SRPK2: variants seen among roughly 807,000 people sequenced by gnomAD.
SRPK2 encodes the protein SRSF protein kinase 2.
In SRPK2, 21 loss-of-function variants were observed where a neutral mutation model predicts 90.8. That is an observed-to-expected ratio of 0.23 (90% CI 0.16 to 0.33). SRPK2 has a LOEUF of 0.33. Ranked by LOEUF, SRPK2 falls within the 10% of genes least tolerant of loss-of-function variation. SRPK2 has a pLI of 1.00. For synonymous variants in SRPK2, 288 were observed against 311.1 expected, an observed-to-expected ratio of 0.93 and a Z score of 0.78; for missense variants, 620 against 869.0, an observed-to-expected ratio of 0.71 and a Z score of 3.60.
In SRPK2 at chr7:105,177,289, A is replaced by C. The variant is rs112533842; in HGVS notation, c.230-8024T>G. Among the ~76,000 whole-genome samples, 442 of 152,252 alleles carry C rather than the reference A, an allele frequency of 2.9e-3. 1 individual carries two copies. The highest frequency in any genetic ancestry group is 0.01 in the African/African-American group (427 of 41,558). On this transcript the variant is annotated intron_variant, in intron 3 of 15. Transcript: ENST00000393651. ...TATGCACTAACCACCACTTTTCTTCACTGAAAAAAAAATTATTTAGAACAT... is the reference window on the plus strand; with the variant it reads ...TATGCACTAACCACCACTTTTCTTCCCTGAAAAAAAAATTATTTAGAACAT...
chr7:105,287,111 A>C (rs1180729574), intron 2 of SRPK2, among the ~76,000 whole-genome samples: 3 of 151,148 alleles, frequency 2.0e-5, no homozygotes, highest in East Asian at 3.9e-4. Context: ...AATACAAAAA[A>C]TTAGCCGGGC....
intron 2 of SRPK2, among the ~76,000 whole-genome samples, chr7:105,222,706 T>A (rs1444840254): frequency 6.6e-6 from 1 of 152,186 alleles, no homozygotes; most frequent in Admixed American, 6.6e-5. Context: ...ATAATAACAT[T>A]AGTTTTAAAA....
At chr7:105,220,875 A>G (rs919814020) in intron 2 of SRPK2, among the ~76,000 whole-genome samples, 2 of 152,204 alleles carry the variant, frequency 1.3e-5, no homozygotes, top group East Asian at 1.9e-4. Context: ...TCCCTTTACA[A>G]TAGTCTAATC....
At chr7:105,231,537 G>T (rs958800749) in intron 2 of SRPK2, among the ~76,000 whole-genome samples, 4 of 152,150 alleles carry the variant, frequency 2.6e-5, no homozygotes, top group Non-Finnish European at 5.9e-5. Flanking sequence ...CACCAACAGT[G>T]TATAAATGTT....
chr7:105,182,896 T>C (rs1278173209), intron 3 of SRPK2, among the ~76,000 whole-genome samples: 1 of 152,160 alleles, frequency 6.6e-6, no homozygotes, highest in Non-Finnish European at 1.5e-5. Flanking sequence ...TAGTATCATA[T>C]AAAACACTAC....
chr7:105,374,726 T>C (rs2132511318), intron 2 of SRPK2, among the ~76,000 whole-genome samples: 1 of 152,230 alleles, frequency 6.6e-6, no homozygotes, highest in African/African-American at 2.4e-5. Context: ...CTGCCTCGCC[T>C]ACGGAGGAGC....
intron 2 of SRPK2, chr7:105,268,960 G>C: frequency 2.1e-6 from 3 of 1,447,272 alleles, no homozygotes; most frequent in Non-Finnish European, 2.8e-6. Flanking sequence ...AATCCCTTTT[G>C]TTCAGAATGA....
intron 2 of SRPK2, among the ~76,000 whole-genome samples, chr7:105,220,818 A>T (rs960607305): frequency 6.6e-6 from 1 of 151,958 alleles, no homozygotes; most frequent in Non-Finnish European, 1.5e-5. Context: ...GATGTGTCTC[A>T]TTTGTTTCAG....
intron 7 of SRPK2, among the ~76,000 whole-genome samples, chr7:105,150,025 G>A (rs1805385980): frequency 6.6e-6 from 1 of 151,948 alleles, no homozygotes. Context: ...GACAGGAAAT[G>A]AGTATGACGG....
chr7:105,211,653 AC>A (rs36081667), intron 2 of SRPK2, among the ~76,000 whole-genome samples: 1 of 152,108 alleles, frequency 6.6e-6, no homozygotes, highest in South Asian at 2.1e-4. Flanking sequence ...GTGGAAATCT[AC>A]CCCCATGATC....
chr7:105,312,214 G>C (rs575217111), intron 2 of SRPK2, among the ~76,000 whole-genome samples: 1 of 152,264 alleles, frequency 6.6e-6, no homozygotes, highest in South Asian at 2.1e-4. Flanking sequence ...GGCCAAGGTG[G>C]GGGGATCACA....
intron 3 of SRPK2, among the ~76,000 whole-genome samples, chr7:105,178,798 G>A (rs1304101110): frequency 1.3e-5 from 2 of 151,946 alleles, no homozygotes; most frequent in African/African-American, 4.8e-5. Context: ...GACAAAGTAA[G>A]GCCCTCTCTC....
At position 105,160,328 on chromosome 7, in the gene SRPK2, A is replaced by G. The variant is rs1807413167; in HGVS notation, c.621+179T>C. The G allele has an allele frequency of 1.2e-5, 5 of 405,054 alleles. No homozygotes were observed. The East Asian group carries it at 1.8e-4, about 15-fold the overall frequency. 25.1% of individuals were successfully genotyped at this position (405,054 alleles called of 1,614,324 possible). On this transcript the variant is annotated intron_variant, in intron 7 of 15. Coordinates refer to ENST00000393651, the MANE Select transcript of SRPK2 (RefSeq NM_182692.3). ...TCCCTTCACAACACAAAATATCATT[A>G]AATACTGACTTAATAAGAGTTCAAA...
intron 2 of SRPK2, among the ~76,000 whole-genome samples, chr7:105,295,718 C>G (rs1437893103): frequency 1.3e-5 from 2 of 152,138 alleles, no homozygotes; most frequent in African/African-American, 4.8e-5. Flanking sequence ...TATGAATGTA[C>G]TTAATGCAAC....
At chr7:105,287,575 A>C (rs1001073977) in intron 2 of SRPK2, among the ~76,000 whole-genome samples, 2 of 151,946 alleles carry the variant, frequency 1.3e-5, no homozygotes, top group Non-Finnish European at 2.9e-5. Context: ...GTCTCTGTTA[A>C]AAATATAAAA....
intron 15 of SRPK2, among the ~76,000 whole-genome samples, chr7:105,119,570 A>T (rs1016178771): frequency 1.8e-4 from 27 of 152,194 alleles, no homozygotes; most frequent in African/African-American, 6.3e-4. Flanking sequence ...TTCCAATATG[A>T]GGACTGGAGC....
At position 105,142,318 on chromosome 7, in the gene SRPK2, A is replaced by G; in HGVS notation, c.1233T>C (p.Asp411=). 6.2e-7 allele frequency: 1 copy of G among 1,614,086 alleles called. No homozygotes were observed. Among genetic ancestry groups the G allele is most frequent in the African/African-American group, 1.3e-5 (1 of 75,018 alleles). ...GGCAGTCTTCTTCATCATCATCTTCATCGTCCAGTTGCTGCTCCAGTGAGA... is the reference window on the plus strand; with the variant it reads ...GGCAGTCTTCTTCATCATCATCTTCGTCGTCCAGTTGCTGCTCCAGTGAGA... ...GPFSLEQQLD[D]EDDDEEDCPN... is the part of the protein sequence containing the mutation. The change falls in exon 11 of 16, where the codon GAT becomes GAC. Residue 411 remains aspartate (D), a synonymous_variant. Transcript: ENST00000393651.
chr7:105,273,004 A>G (rs892190455), intron 2 of SRPK2, among the ~76,000 whole-genome samples: 7 of 152,040 alleles, frequency 4.6e-5, no homozygotes, highest in African/African-American at 1.7e-4. Context: ...CACGAAGGTC[A>G]GGAGATAGAG....
rs557871443 is a variant in SRPK2 at position 105,208,463 on chromosome 7, A to C, written c.72-4678T>G. Among the ~76,000 whole-genome samples, 3 of 152,338 alleles carry C rather than the reference A, an allele frequency of 2.0e-5. No homozygotes were observed. The East Asian group carries it at 5.8e-4, about 29-fold the overall frequency. ...TGTTATTCACTAACAAAGAGAAATG[A>C]AGTACTGATATATGCTACAACATGG... On this transcript the variant is annotated intron_variant, in intron 2 of 15. Transcript: ENST00000393651.
Sources: allele counts gnomAD v4.1 joint callset (sites outside exome capture counted in the v4.1 genomes callset), GRCh38; gene constraint gnomAD v4.1.1; transcripts MANE v1.5; gene names NCBI Gene and HGNC (gene_info 2026-07-23, HGNC 2026-07-21).